The following IFNA7 variants were observed in gnomAD, a reference collection of about 807,000 sequenced individuals.
IFNA7 encodes the protein interferon alpha 7.
For synonymous variants in IFNA7, 119 were observed against 81.1 expected (o/e 1.47, Z -2.51); for missense variants, 278 against 216.3 (o/e 1.29, Z -1.79).
At position 21,201,618 on chromosome 9, in the gene IFNA7, T is replaced by G. The variant is rs1414061693; in HGVS notation, c.548A>C (p.Lys183Thr). The G allele has an allele frequency of 6.2e-7, 1 of 1,613,572 alleles. No homozygotes were observed. Among genetic ancestry groups the G allele is most frequent in the Non-Finnish European group, 8.5e-7 (1 of 1,179,928 alleles). Residue 183 changes from lysine to threonine, a missense_variant, in exon 1 of 1, where the codon AAA becomes ACA. By Grantham distance (78) the Lys-to-Thr change is moderately conservative. Transcript: ENST00000239347. ...RSFSFSTNLKKGLRRKD is the reference protein window; with the variant it reads ...RSFSFSTNLKTGLRRKD Reference sequence around the variant, plus strand: ...TTTTCAATCCTTCCTCCTTAATCCTTTTTTCAAGTTTGTTGAAAAAGAGAA... The same window carrying G: ...TTTTCAATCCTTCCTCCTTAATCCTGTTTTCAAGTTTGTTGAAAAAGAGAA...
rs376454634 is a variant in IFNA7, at chr9:21,202,127, T to C, written c.39A>G (p.Val13=). 2.7e-4 allele frequency: 433 copies of C among 1,611,892 alleles called. 1 individual carries two copies. Among genetic ancestry groups the C allele is most frequent in the East Asian group, 1.8e-3 (80 of 44,818 alleles). The change falls in exon 1 of 1, where the codon GTA becomes GTG. Residue 13 remains valine, a synonymous_variant. Transcript: ENST00000239347. ...GAGAGCAGATGGATTTGTAGCTGAGTACCAGCACGACCATCAGTAAAGAAA... is the reference window on the plus strand; with the variant it reads ...GAGAGCAGATGGATTTGTAGCTGAGCACCAGCACGACCATCAGTAAAGAAA... ...RSFSLLMVVL[V]LSYKSICSLG... is the part of the protein sequence containing the mutation.
chr9:21,202,030 T>C lies in IFNA7; in HGVS notation c.136A>G (p.Arg46Gly). 6.2e-7 allele frequency: 1 copy of C among 1,613,548 alleles called. No individual in the cohort carries two copies. Among genetic ancestry groups the C allele is most frequent in the Non-Finnish European group, 8.5e-7 (1 of 1,179,970 alleles). Residue 46 changes from arginine to glycine, a missense_variant, in exon 1 of 1, where the codon AGA becomes GGA. Arg to Gly is a moderately radical substitution (Grantham distance 125). Transcript: ENST00000239347. ...TTCAAGCAGGAGAAAGGAGAGATTC[T>C]TCCCATTTGTGCCAGGAGTATCAAG... ...RALILLAQMGRISPFSCLKDR... is the reference protein window; with the variant it reads ...RALILLAQMGGISPFSCLKDR...
In IFNA7 at chr9:21,202,087, G is replaced by A. The variant is rs765042187; in HGVS notation, c.79C>T (p.Pro27Ser). The change falls in exon 1 of 1, where the codon CCT becomes TCT. Residue 27 changes from proline to serine, a missense_variant. Transcript: ENST00000239347. ...CTATTACGCAGGCTGTGGGTCTGAG[G>A]CAGATCACAGCCCAGAGAGCAGATG... Reference protein sequence around the residue: ...KSICSLGCDLPQTHSLRNRRA... With the variant: ...KSICSLGCDLSQTHSLRNRRA... The A allele has an allele frequency of 1.9e-6, 3 of 1,613,600 alleles. No individual in the cohort carries two copies. The highest frequency in any genetic ancestry group is 1.7e-6 in the Non-Finnish European group (2 of 1,179,938).
Position 21,201,926 on chromosome 9 carries a change from G to A in IFNA7, c.240C>T (p.Leu80=). Residue 80 remains leucine (L), a synonymous_variant, in exon 1 of 1, where the codon CTC becomes CTT. Transcript: ENST00000239347. The stretch of plus-strand genomic sequence containing the variant: ...TGAAGGTCTGCTGGATCATCTCATG[G>A]AGGACAGAGATGGCTTGAGTCTTCT... ...QFQKTQAISV[L]HEMIQQTFNL... is the part of the protein sequence containing the mutation. 1 of 1,613,330 alleles carries A rather than the reference G, an allele frequency of 6.2e-7. No individual in the cohort carries two copies. Among genetic ancestry groups the A allele is most frequent in the East Asian group, 2.2e-5 (1 of 44,814 alleles).
In IFNA7 at chr9:21,201,588, A is replaced by C. The variant is rs758701591; in HGVS notation, c.*8T>G. 1.2e-6 allele frequency: 2 copies of C among 1,611,062 alleles called. No individual in the cohort carries two copies. Among genetic ancestry groups the C allele is most frequent in the South Asian group, 2.2e-5 (2 of 90,450 alleles). ...TCAATGAGAATCATTTCCATGATGA[A>C]CCAGTTTTCAATCCTTCCTCCTTAA... On this transcript the variant is annotated 3_prime_UTR_variant, in exon 1 of 1. Transcript: ENST00000239347.
chr9:21,201,779 C>T lies in IFNA7; in HGVS notation c.387G>A (p.Val129=). The T allele has an allele frequency of 1.2e-6, 2 of 1,613,576 alleles. No homozygotes were observed. The highest frequency in any genetic ancestry group is 1.7e-6 in the Non-Finnish European group (2 of 1,179,986). Residue 129 remains valine, a synonymous_variant, in exon 1 of 1, where the codon GTG becomes GTA. Transcript: ENST00000239347. ...CCTCATTCATCAGGGGAGTCTCTTCCACCCCAACCTCCTGTATCACACATG... is the reference window on the plus strand; with the variant it reads ...CCTCATTCATCAGGGGAGTCTCTTCTACCCCAACCTCCTGTATCACACATG... The part of the protein sequence containing the change: ...LEACVIQEVG[V]EETPLMNEDF...
In IFNA7 at chr9:21,202,057, C is replaced by T. The variant is rs560685281; in HGVS notation, c.109G>A (p.Ala37Thr). ...CCCATTTGTGCCAGGAGTATCAAGGCCCTCCTATTACGCAGGCTGTGGGTC... is the reference window on the plus strand; with the variant it reads ...CCCATTTGTGCCAGGAGTATCAAGGTCCTCCTATTACGCAGGCTGTGGGTC... ...PQTHSLRNRR[A>T]LILLAQMGRI... Residue 37 changes from alanine (A) to threonine (T), a missense_variant, in exon 1 of 1, where the codon GCC becomes ACC. By Grantham distance (58) the Ala-to-Thr change is moderately conservative. Transcript: ENST00000239347. 16 of 1,613,510 alleles carry T rather than the reference C, an allele frequency of 9.9e-6. No individual in the cohort carries two copies. In the African/African-American group the frequency reaches 1.2e-4, roughly 12 times the overall value.
In IFNA7 at chr9:21,201,695, C is replaced by T; in HGVS notation, c.471G>A (p.Lys157=). ...CCTCCCAGGCACAAGGGCTGTATTT[C>T]TTCTCCATTAGATAAAGAGTGATTC... The part of the protein sequence containing the change: ...FQRITLYLME[K]KYSPCAWEVV... The change falls in exon 1 of 1, where the codon AAG becomes AAA. Residue 157 remains lysine (K), a synonymous_variant. Coordinates refer to ENST00000239347, the MANE Select transcript of IFNA7 (RefSeq NM_021057.2). The T allele has an allele frequency of 6.2e-7, 1 of 1,613,838 alleles. No individual in the cohort carries two copies. Among genetic ancestry groups the T allele is most frequent in the Non-Finnish European group, 8.5e-7 (1 of 1,179,978 alleles).
rs1335503035 is a variant in IFNA7 at position 21,202,107 on chromosome 9, C to T, written c.59G>A (p.Cys20Tyr). The T allele has an allele frequency of 1.9e-6, 3 of 1,613,434 alleles. No homozygotes were observed. Among genetic ancestry groups the T allele is most frequent in the Non-Finnish European group, 2.5e-6 (3 of 1,179,880 alleles). The change falls in exon 1 of 1, where the codon TGC becomes TAC. Residue 20 changes from cysteine (C) to tyrosine (Y), a missense_variant. Transcript: ENST00000239347. ...CTGAGGCAGATCACAGCCCAGAGAG[C>T]AGATGGATTTGTAGCTGAGTACCAG... ...VVLVLSYKSI[C>Y]SLGCDLPQTH... is the part of the protein sequence containing the mutation.
the IFNA7 span, chr9:21,201,689 G>T: frequency 6.2e-7 from 1 of 1,613,808 alleles, no homozygotes; most frequent in East Asian, 2.2e-5. Context: ...CACAAGGGCT[G>T]TATTTCTTCT....
chr9:21,201,883 C>A lies in IFNA7; in HGVS notation c.283G>T (p.Asp95Tyr). 1 of 1,613,248 alleles carries A rather than the reference C, an allele frequency of 6.2e-7. No individual in the cohort carries two copies. ...QQTFNLFSTE[D>Y]SSAAWEQSLL... ...CTCTGTTCCCAAGCAGCAGATGAGT[C>A]CTCTGTGCTGAAGAGATTGAAGGTC... The change falls in exon 1 of 1, where the codon GAC becomes TAC. Residue 95 changes from aspartate (D) to tyrosine (Y), a missense_variant. Transcript: ENST00000239347.
In IFNA7 at chr9:21,201,501, G is replaced by T; in HGVS notation, c.*95C>A. On this transcript the variant is annotated 3_prime_UTR_variant, in exon 1 of 1. Coordinates refer to ENST00000239347, the MANE Select transcript of IFNA7 (RefSeq NM_021057.2). Reference sequence around the variant, plus strand: ...TTTGGAAATTTTGATTCAACTTGTGGTGGTTATAGAAGTGAGTCTTTGAAA... The same window carrying T: ...TTTGGAAATTTTGATTCAACTTGTGTTGGTTATAGAAGTGAGTCTTTGAAA... 1 of 1,533,236 alleles carries T rather than the reference G, an allele frequency of 6.5e-7. No homozygotes were observed. Among genetic ancestry groups the T allele is most frequent in the Non-Finnish European group, 8.7e-7 (1 of 1,143,008 alleles). 95.0% of individuals were successfully genotyped at this position (1,533,236 alleles called of 1,614,324 possible).
At position 21,202,093 on chromosome 9, in the gene IFNA7, C is replaced by T. The variant is rs138587230; in HGVS notation, c.73G>A (p.Asp25Asn). 3 of 1,613,610 alleles carry T rather than the reference C, an allele frequency of 1.9e-6. No homozygotes were observed. In the South Asian group the frequency reaches 3.3e-5, roughly 18 times the overall value. The change falls in exon 1 of 1, where the codon GAT (aspartate) becomes AAT (asparagine). Residue 25 changes from aspartate to asparagine, a missense_variant. Coordinates refer to ENST00000239347, the MANE Select transcript of IFNA7 (RefSeq NM_021057.2). ...SYKSICSLGCDLPQTHSLRNR... is the reference protein window; with the variant it reads ...SYKSICSLGCNLPQTHSLRNR... ...CGCAGGCTGTGGGTCTGAGGCAGATCACAGCCCAGAGAGCAGATGGATTTG... is the reference window on the plus strand; with the variant it reads ...CGCAGGCTGTGGGTCTGAGGCAGATTACAGCCCAGAGAGCAGATGGATTTG...
rs375532026 is a variant in IFNA7 at position 21,201,766 on chromosome 9, G to C, written c.400C>G (p.Leu134Val). ...IQEVGVEETP[L>V]MNEDFILAVR... ...GCCAGGATGAAGTCCTCATTCATCA[G>C]GGGAGTCTCTTCCACCCCAACCTCC... The change falls in exon 1 of 1, where the codon CTG (leucine) becomes GTG (valine). Residue 134 changes from leucine to valine, a missense_variant. Leu to Val is a conservative substitution (Grantham distance 32, BLOSUM62 1). Coordinates refer to ENST00000239347, the MANE Select transcript of IFNA7 (RefSeq NM_021057.2). 9 of 1,613,542 alleles carry C rather than the reference G, an allele frequency of 5.6e-6. No homozygotes were observed. The African/African-American group carries it at 1.2e-4, about 22-fold the overall frequency.
Position 21,202,144 on chromosome 9 carries a change from G to T in IFNA7, c.22C>A (p.Leu8Met). Reference sequence around the variant, plus strand: ...TAGCTGAGTACCAGCACGACCATCAGTAAAGAAAAGGACCGGGCCATTGGG... The same window carrying T: ...TAGCTGAGTACCAGCACGACCATCATTAAAGAAAAGGACCGGGCCATTGGG... The part of the protein sequence containing the change: MARSFSL[L>M]MVVLVLSYKS... The change falls in exon 1 of 1, where the codon CTG becomes ATG. Residue 8 changes from leucine (L) to methionine (M), a missense_variant. Transcript: ENST00000239347. The T allele has an allele frequency of 1.2e-6, 2 of 1,608,718 alleles. No homozygotes were observed. Among genetic ancestry groups the T allele is most frequent in the Non-Finnish European group, 1.7e-6 (2 of 1,177,870 alleles).
rs1389221641 is a variant in IFNA7 at position 21,202,004 on chromosome 9, C to T, written c.162G>A (p.Lys54=). The change falls in exon 1 of 1, where the codon AAG becomes AAA. Residue 54 remains lysine, a synonymous_variant. Transcript: ENST00000239347. ...MGRISPFSCL[K]DRHEFRFPEE... ...CTGGGAATCTGAATTCATGTCTGTC[C>T]TTCAAGCAGGAGAAAGGAGAGATTC... The T allele has an allele frequency of 6.2e-7, 1 of 1,613,458 alleles. No homozygotes were observed. The highest frequency in any genetic ancestry group is 1.3e-5 in the African/African-American group (1 of 74,676).
chr9:21,202,034 C>A lies in IFNA7; in HGVS notation c.132G>T (p.Met44Ile), dbSNP rs760402363. ...NRRALILLAQ[M>I]GRISPFSCLK... ...AGCAGGAGAAAGGAGAGATTCTTCC[C>A]ATTTGTGCCAGGAGTATCAAGGCCC... Residue 44 changes from methionine to isoleucine, a missense_variant, in exon 1 of 1, where the codon ATG becomes ATT. Met to Ile is a conservative substitution (Grantham distance 10). Coordinates refer to ENST00000239347, the MANE Select transcript of IFNA7 (RefSeq NM_021057.2). 6 of 1,613,360 alleles carry A rather than the reference C, an allele frequency of 3.7e-6. No individual in the cohort carries two copies. Among genetic ancestry groups the A allele is most frequent in the Middle Eastern group, 1.7e-4 (1 of 6,056 alleles).
Position 21,201,479 on chromosome 9 carries a change from G to T in IFNA7, c.*117C>A, listed in dbSNP as rs1014038241. ...CTTCTTAACACTCCTGAAAACATTT[G>T]GAAATTTTGATTCAACTTGTGGTGG... On this transcript the variant is annotated 3_prime_UTR_variant, in exon 1 of 1. Coordinates refer to ENST00000239347, the MANE Select transcript of IFNA7 (RefSeq NM_021057.2). The T allele has an allele frequency of 6.7e-6, 10 of 1,491,206 alleles. No individual in the cohort carries two copies. The highest frequency in any genetic ancestry group is 9.0e-6 in the Non-Finnish European group (10 of 1,111,708). 92.4% of individuals were successfully genotyped at this position (1,491,206 alleles called of 1,614,324 possible).
At chr9:21,201,988 T>A in the IFNA7 span, 1 of 1,613,300 alleles carries the variant, frequency 6.2e-7, no homozygotes, top group East Asian at 2.2e-5. Flanking sequence ...TCTGGGAATC[T>A]GAATTCATGT....
Sources: gnomAD v4.1 joint callset for allele counts on GRCh38, gnomAD v4.1.1 for gene constraint, MANE v1.5 for transcripts, NCBI Gene and HGNC (gene_info 2026-07-23, HGNC 2026-07-21) for gene names.